Variants in OR9Q1 observed in about 807,000 individuals in gnomAD.
OR9Q1 encodes olfactory receptor 9Q1.
For missense variants in OR9Q1, 374 were observed against 378.8 expected, an observed-to-expected ratio of 0.99 and a Z score of 0.11; for synonymous variants, 153 against 148.6, an observed-to-expected ratio of 1.03 and a Z score of -0.22.
chr11:58,108,432 C>T (rs752773580), intron 2 of OR9Q1, among the ~76,000 whole-genome samples: 14 of 152,094 alleles, frequency 9.2e-5, no homozygotes, highest in Non-Finnish European at 2.1e-4. Context: ...TATGACTATG[C>T]TACTTTTTAT....
intron 1 of OR9Q1, among the ~76,000 whole-genome samples, chr11:58,055,576 A>C (rs964501570): frequency 2.6e-5 from 4 of 152,106 alleles, no homozygotes; most frequent in Non-Finnish European, 5.9e-5. Flanking sequence ...AGGCAGAAGG[A>C]TCACTTGAGA....
intron 2 of OR9Q1, among the ~76,000 whole-genome samples, chr11:58,084,156 T>A (rs530677688): frequency 3.7e-4 from 57 of 152,010 alleles, no homozygotes; most frequent in Non-Finnish European, 6.9e-4. Flanking sequence ...TGTAGTTCTA[T>A]TTGTAGAGCT....
chr11:58,140,155 T>G (rs902204211), intron 2 of OR9Q1, among the ~76,000 whole-genome samples: 13 of 152,198 alleles, frequency 8.5e-5, no homozygotes, highest in Non-Finnish European at 1.8e-4. Context: ...CTTGTAAATT[T>G]GTTTGAGTTC....
At chr11:58,067,320 G>A (rs962898955) in intron 2 of OR9Q1, among the ~76,000 whole-genome samples, 5 of 152,016 alleles carry the variant, frequency 3.3e-5, no homozygotes, top group African/African-American at 7.2e-5. Context: ...ATAGGCATGC[G>A]CCACCAAGCC....
intron 2 of OR9Q1, among the ~76,000 whole-genome samples, chr11:58,132,466 T>C (rs140901564): frequency 2.5e-3 from 380 of 152,302 alleles, no homozygotes; most frequent in Middle Eastern, 0.014. Context: ...CCCTATAGGA[T>C]TGTTGTAAAG....
Position 58,140,117 on chromosome 11 carries a change from G to C in OR9Q1, c.-14-39314G>C, listed in dbSNP as rs559925991. ...AAGTGTCTGTTCATATCCTTCACCC[G>C]CTTTTTGATGGGGTTGTTTGTTTTT... On this transcript the variant is annotated intron_variant, in intron 2 of 2. Transcript: ENST00000335397. 2.0e-5 allele frequency among the ~76,000 whole-genome samples: 3 copies of C among 151,890 alleles called. No homozygotes were observed. In the South Asian group the frequency reaches 6.3e-4, roughly 32 times the overall value.
At chr11:58,131,994 T>A (rs1854146214) in intron 2 of OR9Q1, among the ~76,000 whole-genome samples, 1 of 152,198 alleles carries the variant, frequency 6.6e-6, no homozygotes. Context: ...CTGCAATTAC[T>A]TTTGCACCAA....
intron 2 of OR9Q1, among the ~76,000 whole-genome samples, chr11:58,174,662 T>TA (rs557326575): frequency 1.6e-4 from 23 of 147,068 alleles, no homozygotes; most frequent in Non-Finnish European, 2.5e-4. Flanking sequence ...TGTTAGAAGT[T>TA]AAAAAAAAAT....
At chr11:58,086,365 G>A (rs971158005) in intron 2 of OR9Q1, among the ~76,000 whole-genome samples, 3 of 151,850 alleles carry the variant, frequency 2.0e-5, no homozygotes, top group Non-Finnish European at 4.4e-5. Context: ...GATGAGTTTT[G>A]GTGAGGGTTT....
At chr11:58,117,982 C>G (rs923892417) in intron 2 of OR9Q1, 8 of 152,478 alleles carry the variant, frequency 5.2e-5, no homozygotes, top group African/African-American at 1.9e-4. Flanking sequence ...ACTTCCTTCC[C>G]TTGGCCAGTT....
At chr11:58,099,512 C>T (rs1341688192) in intron 2 of OR9Q1, among the ~76,000 whole-genome samples, 1 of 151,940 alleles carries the variant, frequency 6.6e-6, no homozygotes, top group African/African-American at 2.4e-5. Flanking sequence ...TTTTGTCTAA[C>T]ATTAATATAG....
intron 2 of OR9Q1, among the ~76,000 whole-genome samples, chr11:58,124,113 A>AGACTGGT (rs1364913002): frequency 2.6e-5 from 4 of 152,170 alleles, no homozygotes; most frequent in Admixed American, 6.5e-5. Flanking sequence ...TTTTAGGAGC[A>AGACTGGT]GACTGGTGAC....
intron 2 of OR9Q1, among the ~76,000 whole-genome samples, chr11:58,107,215 A>C (rs1315551622): frequency 3.3e-5 from 5 of 152,030 alleles, no homozygotes; most frequent in Admixed American, 3.3e-4. Flanking sequence ...TGCACCCATT[A>C]ACTCGTCATT....
chr11:58,165,395 G>A (rs1374870051), intron 2 of OR9Q1, among the ~76,000 whole-genome samples: 1 of 152,112 alleles, frequency 6.6e-6, no homozygotes, highest in Non-Finnish European at 1.5e-5. Context: ...TCCCTTTTGT[G>A]AAGGGACTGT....
At chr11:58,130,606 A>G (rs1854132169) in intron 2 of OR9Q1, among the ~76,000 whole-genome samples, 1 of 152,162 alleles carries the variant, frequency 6.6e-6, no homozygotes, top group African/African-American at 2.4e-5. Context: ...AGCCTGGCCT[A>G]CATGGCGAAA....
chr11:58,041,882 C>A (rs1281728169), intron 1 of OR9Q1, among the ~76,000 whole-genome samples: 2 of 152,180 alleles, frequency 1.3e-5, no homozygotes, highest in Non-Finnish European at 2.9e-5. Flanking sequence ...ATCCTGACAG[C>A]AGCTGCTTAT....
intron 2 of OR9Q1, among the ~76,000 whole-genome samples, chr11:58,131,461 CCTAT>C (rs1854140410): frequency 1.3e-5 from 2 of 151,868 alleles, no homozygotes; most frequent in Admixed American, 6.6e-5. Context: ...GTCATAATTG[CCTAT>C]CTGTTAAGAT....
Position 58,111,824 on chromosome 11 carries a change from T to C in OR9Q1, c.-15+55877T>C, listed in dbSNP as rs558566805. Among the ~76,000 whole-genome samples, 18 of 152,294 alleles carry C rather than the reference T, an allele frequency of 1.2e-4. No individual in the cohort carries two copies. In the South Asian group the frequency reaches 3.5e-3, roughly 30 times the overall value. The stretch of plus-strand genomic sequence containing the variant: ...CACTCCAATCTACTATCCTATTCTA[T>C]GACTTAATAACTCTTCTTGAGGTAG... On this transcript the variant is annotated intron_variant, in intron 2 of 2. Transcript: ENST00000335397.
At chr11:58,122,610 A>G (rs1311650521) in intron 2 of OR9Q1, among the ~76,000 whole-genome samples, 2 of 152,132 alleles carry the variant, frequency 1.3e-5, no homozygotes, top group Admixed American at 6.6e-5. Context: ...TAAACATAAT[A>G]TTTTGGGGCC....
Sources: allele counts gnomAD v4.1 joint callset (sites outside exome capture counted in the v4.1 genomes callset), GRCh38; gene constraint gnomAD v4.1.1; transcripts MANE v1.5; gene names NCBI Gene and HGNC (gene_info 2026-07-23, HGNC 2026-07-21).